DGKI: variants seen among roughly 807,000 people sequenced by gnomAD.
DGKI encodes DAG kinase iota.
In DGKI, 55 loss-of-function variants were observed where a neutral mutation model predicts 147.5. That is an observed-to-expected ratio of 0.37 (90% CI 0.30 to 0.47). The LOEUF (loss-of-function observed/expected upper bound fraction) is 0.47. Among genes scored for constraint, DGKI ranks in the 20% least tolerant of loss-of-function variants. DGKI has a pLI of 1.00. For missense variants in DGKI, 1,007 were observed against 1,323.8 expected (o/e 0.76, Z 3.71); for synonymous variants, 469 against 477.1 (o/e 0.98, Z 0.22).
chr7:137,840,792 C>G (rs1563222161), intron 1 of DGKI, among the ~76,000 whole-genome samples: 1 of 152,144 alleles, frequency 6.6e-6, no homozygotes, highest in South Asian at 2.1e-4. Context: ...TTTTAAAATG[C>G]CAATGAAATG....
At chr7:137,526,862 G>T (rs1413324597) in intron 20 of DGKI, among the ~76,000 whole-genome samples, 1 of 151,954 alleles carries the variant, frequency 6.6e-6, no homozygotes, top group Non-Finnish European at 1.5e-5. Context: ...ATTCCTCTCG[G>T]ACTGATAAGA....
Position 137,481,612 on chromosome 7 carries a change from T to C in DGKI, c.2373+3762A>G, listed in dbSNP as rs181343988. On this transcript the variant is annotated intron_variant, in intron 23 of 32. Transcript: ENST00000614521. ...TCTTGTATAACCCATAATACCTTGT[T>C]AGGTTAACATGAGGTGTCATTTTTG... 6.6e-4 allele frequency among the ~76,000 whole-genome samples: 101 copies of C among 152,190 alleles called. 1 individual carries two copies. Among genetic ancestry groups the C allele is most frequent in the African/African-American group, 2.2e-3 (92 of 41,538 alleles).
At chr7:137,540,782 A>AAAAAAAAAAAT (rs1563075734) in intron 20 of DGKI, among the ~76,000 whole-genome samples, 1 of 148,624 alleles carries the variant, frequency 6.7e-6, no homozygotes, top group African/African-American at 2.5e-5. Context: ...AAAAAAAAAA[A>AAAAAAAAAAAT]AAAAAACATT....
intron 1 of DGKI, among the ~76,000 whole-genome samples, chr7:137,824,583 T>C (rs1798002500): frequency 6.6e-6 from 1 of 151,910 alleles, no homozygotes. Context: ...CTGTCATTCT[T>C]TTTCACTTTT....
At chr7:137,783,375 A>C (rs2116896840) in intron 1 of DGKI, among the ~76,000 whole-genome samples, 1 of 152,360 alleles carries the variant, frequency 6.6e-6, no homozygotes, top group Admixed American at 6.5e-5. Context: ...AGAAGGAAGA[A>C]TTTCAAAGCT....
chr7:137,615,676 C>T (rs1820507690), intron 8 of DGKI, among the ~76,000 whole-genome samples: 1 of 151,728 alleles, frequency 6.6e-6, no homozygotes. Context: ...AATATATTGA[C>T]CTCCAAATCA....
In DGKI at chr7:137,391,269, C is replaced by T. The variant is rs140965171; in HGVS notation, c.3125G>A (p.Arg1042His). ...ATGGCCAATGACCTTATAGTTCTGA[C>T]GGCTTTCTAGGTAAGCAGCCAAGTC... ...DPDLAAYLES[R>H]QNYKVIGHED... is the part of the protein sequence containing the mutation. The change falls in exon 33 of 33, where the codon CGT becomes CAT. Residue 1042 changes from arginine to histidine, a missense_variant. Arg to His is a conservative substitution (Grantham distance 29). This residue lies in a region of DGKI where 385 missense variants were observed against 445.2 expected (regional missense o/e 0.86). Transcript: ENST00000614521. 4.6e-5 allele frequency: 74 copies of T among 1,613,668 alleles called. No homozygotes were observed. The highest frequency in any genetic ancestry group is 1.7e-4 in the Middle Eastern group (1 of 6,060).
intron 1 of DGKI, among the ~76,000 whole-genome samples, chr7:137,748,277 A>G (rs527294060): frequency 2.0e-4 from 31 of 152,150 alleles, no homozygotes; most frequent in African/African-American, 6.5e-4. Context: ...CACTCCACAT[A>G]TAATACTATT....
intron 28 of DGKI, among the ~76,000 whole-genome samples, chr7:137,424,866 A>C (rs1391512411): frequency 6.6e-6 from 1 of 152,254 alleles, no homozygotes. Context: ...AGGCTTGCTT[A>C]GGTAAACAAA....
In DGKI at chr7:137,386,771, T is replaced by A. The variant is rs1295571035; in HGVS notation, c.*4449A>T. 2 of 152,000 alleles carry A rather than the reference T, an allele frequency of 1.3e-5. No individual in the cohort carries two copies. Among genetic ancestry groups the A allele is most frequent in the African/African-American group, 4.8e-5 (2 of 41,384 alleles). 9.4% of individuals were successfully genotyped at this position (152,000 alleles called of 1,614,324 possible). A position where few individuals can be genotyped will look rare whatever the true frequency, so the allele number is the denominator to read the frequency against. ...TGTAGGACTTCTAATCAGCTGAGTATGAGATTCAGAGTGAAAGGAGTTGAG... is the reference window on the plus strand; with the variant it reads ...TGTAGGACTTCTAATCAGCTGAGTAAGAGATTCAGAGTGAAAGGAGTTGAG... On this transcript the variant is annotated 3_prime_UTR_variant, in exon 33 of 33. Coordinates refer to ENST00000614521, the MANE Select transcript of DGKI (RefSeq NM_001321708.2).
At chr7:137,490,950 T>C (rs1815741543) in intron 21 of DGKI, among the ~76,000 whole-genome samples, 1 of 152,230 alleles carries the variant, frequency 6.6e-6, no homozygotes, top group African/African-American at 2.4e-5. Context: ...GCATATTTCA[T>C]GCACATATTA....
chr7:137,412,872 G>T (rs890923674), intron 28 of DGKI, among the ~76,000 whole-genome samples: 2 of 152,112 alleles, frequency 1.3e-5, no homozygotes, highest in East Asian at 3.8e-4. Context: ...GGAAAAAAAA[G>T]CCTAGAGGTA....
intron 1 of DGKI, among the ~76,000 whole-genome samples, chr7:137,815,633 A>G (rs188231427): frequency 7.9e-5 from 12 of 152,340 alleles, no homozygotes; most frequent in African/African-American, 2.9e-4. Context: ...GGACATGGAT[A>G]TGAACAAAGA....
At chr7:137,573,674 G>C (rs977713772) in intron 17 of DGKI, among the ~76,000 whole-genome samples, 1 of 152,144 alleles carries the variant, frequency 6.6e-6, no homozygotes, top group Non-Finnish European at 1.5e-5. Flanking sequence ...CAAAGTGCTG[G>C]GATTATAGGC....
chr7:137,621,640 G>A (rs1585296042), intron 7 of DGKI, among the ~76,000 whole-genome samples: 1 of 152,190 alleles, frequency 6.6e-6, no homozygotes, highest in African/African-American at 2.4e-5. Flanking sequence ...TCTACAAGGT[G>A]GGAAACTGGG....
intron 1 of DGKI, among the ~76,000 whole-genome samples, chr7:137,824,441 T>G (rs1797995413): frequency 6.9e-6 from 1 of 145,942 alleles, no homozygotes; most frequent in Admixed American, 7.1e-5. Context: ...ACTTGAACCT[T>G]GGAAATAGAG....
chr7:137,820,545 C>G (rs367748384), intron 1 of DGKI, among the ~76,000 whole-genome samples: 318 of 152,268 alleles, frequency 2.1e-3, no homozygotes, highest in African/African-American at 7.1e-3. Context: ...AACAGGCGGG[C>G]AAATGCTGGG....
At position 137,725,472 on chromosome 7, in the gene DGKI, T is replaced by C. The variant is rs529416602; in HGVS notation, c.402-35470A>G. Among the ~76,000 whole-genome samples the C allele has an allele frequency of 2.0e-5, 3 of 152,214 alleles. No homozygotes were observed. In the South Asian group the frequency reaches 6.2e-4, roughly 32 times the overall value. ...TTATTATACCACTATGTCCCTGAGG[T>C]GACCTGGAGACATCACAAGACGATA... On this transcript the variant is annotated intron_variant, in intron 1 of 32. Transcript: ENST00000614521.
Position 137,464,093 on chromosome 7 carries a change from C to T in DGKI, c.2613-482G>A, listed in dbSNP as rs117813951. 6.9e-3 allele frequency among the ~76,000 whole-genome samples: 1,041 copies of T among 151,544 alleles called. 13 individuals carry two copies. The highest frequency in any genetic ancestry group is 9.2e-3 in the Non-Finnish European group (625 of 67,820). The stretch of plus-strand genomic sequence containing the variant: ...TGGCCATTATTTGACATGAAGAAAA[C>T]GACCATACAAAAAATTAGCCAGGCG... On this transcript the variant is annotated intron_variant, in intron 26 of 32. Coordinates refer to ENST00000614521, the MANE Select transcript of DGKI (RefSeq NM_001321708.2).
Sources: allele counts gnomAD v4.1 joint callset (sites outside exome capture counted in the v4.1 genomes callset), GRCh38; gene constraint gnomAD v4.1.1; regional missense constraint gnomAD v4.1.1; transcripts MANE v1.5; gene names NCBI Gene and HGNC (gene_info 2026-07-23, HGNC 2026-07-21).